The following ARV1 variants were observed in gnomAD, a reference collection of about 807,000 sequenced individuals.
The protein encoded by ARV1 is protein ARV1.
Under a neutral mutation model 31.1 loss-of-function variants are expected in ARV1, and 26 were observed. That is an observed-to-expected ratio of 0.84 (90% CI 0.61 to 1.16). The LOEUF (loss-of-function observed/expected upper bound fraction) is 1.16, where lower values mean the gene tolerates loss of function less well. Among genes scored for constraint, ARV1 ranks in the 50% most tolerant of loss-of-function variants. ARV1 has a pLI of 0.00. For missense variants in ARV1, 281 were observed against 324.9 expected (o/e 0.86, Z 1.04); for synonymous variants, 117 against 123.2 (o/e 0.95, Z 0.34).
intron 3 of ARV1, among the ~76,000 whole-genome samples, chr1:230,995,478 C>T (rs1281924623): frequency 1.3e-5 from 2 of 151,796 alleles, no homozygotes; most frequent in African/African-American, 4.8e-5. Flanking sequence ...CAAGGAACTT[C>T]AGAAAGTTGA....
In ARV1 at chr1:230,983,437, T is replaced by C. The variant is rs1020215641; in HGVS notation, c.174+4158T>C. On this transcript the variant is annotated intron_variant, in intron 1 of 5. Transcript: ENST00000310256. The stretch of plus-strand genomic sequence containing the variant: ...CAAAAAAAAAAAAAAAAAGTACTTT[T>C]TATTTGCTATAGGGCTTGGCTTATT... 2.0e-5 allele frequency among the ~76,000 whole-genome samples: 3 copies of C among 152,028 alleles called. No individual in the cohort carries two copies. The East Asian group carries it at 5.8e-4, about 29-fold the overall frequency.
intron 3 of ARV1, among the ~76,000 whole-genome samples, chr1:230,995,300 G>T (rs542744300): frequency 3.6e-4 from 55 of 152,290 alleles, no homozygotes; most frequent in African/African-American, 1.3e-3. Flanking sequence ...AAATCATGTG[G>T]ATAATAGGCA....
chr1:230,988,313 A>G lies in ARV1; in HGVS notation c.175-7A>G. On this transcript the variant is annotated splice_polypyrimidine_tract_variant and splice_region_variant and intron_variant, in intron 1 of 5. Transcript: ENST00000310256. The stretch of plus-strand genomic sequence containing the variant: ...GCTTGTTCTAATATTATCTTGTATT[A>G]TTTCAGAAATCCTGCCAGAAACCTG... The G allele has an allele frequency of 4.4e-6, 7 of 1,584,048 alleles. No homozygotes were observed. Among genetic ancestry groups the G allele is most frequent in the Non-Finnish European group, 6.0e-6 (7 of 1,158,944 alleles).
intron 1 of ARV1, among the ~76,000 whole-genome samples, chr1:230,980,394 T>C (rs2103039483): frequency 6.6e-6 from 1 of 152,176 alleles, no homozygotes; most frequent in South Asian, 2.1e-4. Flanking sequence ...TGGAGTGCAG[T>C]GGGGCACTCT....
chr1:230,983,308 A>T (rs1678964005), intron 1 of ARV1, among the ~76,000 whole-genome samples: 1 of 150,410 alleles, frequency 6.6e-6, no homozygotes, highest in South Asian at 2.1e-4. Flanking sequence ...GCTACTCGGG[A>T]GGCTGAGGCA....
rs772517086 is a variant in ARV1, at chr1:230,988,417, T to C, written c.272T>C (p.Ile91Thr). 3.2e-6 allele frequency: 5 copies of C among 1,575,440 alleles called. No individual in the cohort carries two copies. The highest frequency in any genetic ancestry group is 4.3e-6 in the Non-Finnish European group (5 of 1,157,150). The change falls in exon 2 of 6, where the codon ATT becomes ACT. Residue 91 changes from isoleucine (I) to threonine (T), a missense_variant. Coordinates refer to ENST00000310256, the MANE Select transcript of ARV1 (RefSeq NM_022786.3). ...TGCAAAGCTCAGGCCTACAGACATA[T>C]TCTTTTCAATACTCAAATAAATGTA... Reference protein sequence around the residue: ...ILCKAQAYRHILFNTQINIHG... With the variant: ...ILCKAQAYRHTLFNTQINIHG...
At chr1:230,980,117 C>G (rs1572331667) in intron 1 of ARV1, among the ~76,000 whole-genome samples, 1 of 152,286 alleles carries the variant, frequency 6.6e-6, no homozygotes, top group East Asian at 1.9e-4. Flanking sequence ...AATCTGCCAA[C>G]CACATAACGT....
Position 230,990,164 on chromosome 1 carries a change from T to C in ARV1, c.349T>C (p.Trp117Arg), listed in dbSNP as rs201097730. Residue 117 changes from tryptophan to arginine, a missense_variant, in exon 3 of 6, where the codon TGG (tryptophan) becomes CGG (arginine). Coordinates refer to ENST00000310256, the MANE Select transcript of ARV1 (RefSeq NM_022786.3). Reference protein sequence around the residue: ...CLLCEAYLRWWQLQDSNQNTA... With the variant: ...CLLCEAYLRWRQLQDSNQNTA... ...GCTTTGTGAAGCATACCTGAGGTGG[T>C]GGCAGCTTCAAGATTCCAACCAGAA... The C allele has an allele frequency of 9.5e-5, 154 of 1,613,236 alleles. No homozygotes were observed. The highest frequency in any genetic ancestry group is 1.7e-4 in the Middle Eastern group (1 of 6,058).
intron 3 of ARV1, among the ~76,000 whole-genome samples, chr1:230,991,497 T>G (rs1169110492): frequency 6.6e-6 from 1 of 152,170 alleles, no homozygotes; most frequent in Non-Finnish European, 1.5e-5. Flanking sequence ...AGCCTTCTCC[T>G]TCTCAGTTGT....
chr1:230,986,347 A>G (rs1289928824), intron 1 of ARV1, among the ~76,000 whole-genome samples: 1 of 152,182 alleles, frequency 6.6e-6, no homozygotes, highest in Admixed American at 6.5e-5. Context: ...TAAATTGGGA[A>G]CACATCCAAT....
chr1:230,994,291 G>A (rs1167986301), intron 3 of ARV1, among the ~76,000 whole-genome samples: 3 of 152,232 alleles, frequency 2.0e-5, no homozygotes, highest in Non-Finnish European at 2.9e-5. Context: ...ACTCCTGAGA[G>A]ATGCTGTAGC....
chr1:230,995,797 G>C lies in ARV1; in HGVS notation c.486G>C (p.Leu162=). The part of the protein sequence containing the change: ...TAYFIGIFTF[L]WVERPMTAKK... Reference sequence around the variant, plus strand: ...ATTTTATTGGCATTTTTACCTTCCTGTGGGTAGAACGGCCCATGACGGCAA... The same window carrying C: ...ATTTTATTGGCATTTTTACCTTCCTCTGGGTAGAACGGCCCATGACGGCAA... The change falls in exon 4 of 6, where the codon CTG becomes CTC. Residue 162 remains leucine, a synonymous_variant. Coordinates refer to ENST00000310256, the MANE Select transcript of ARV1 (RefSeq NM_022786.3). 1 of 1,613,688 alleles carries C rather than the reference G, an allele frequency of 6.2e-7. No individual in the cohort carries two copies. Among genetic ancestry groups the C allele is most frequent in the Non-Finnish European group, 8.5e-7 (1 of 1,179,920 alleles).
Position 230,990,196 on chromosome 1 carries a change from C to T in ARV1, c.381C>T (p.Ala127=). ...TTCAAGATTCCAACCAGAATACTGC[C>T]CCTGATGACTTGATCAGATATGCTA... ...WQLQDSNQNT[A]PDDLIRYAKE... is the part of the protein sequence containing the mutation. The change falls in exon 3 of 6, where the codon GCC becomes GCT. Residue 127 remains alanine (A), a synonymous_variant. Coordinates refer to ENST00000310256, the MANE Select transcript of ARV1 (RefSeq NM_022786.3). The T allele has an allele frequency of 6.2e-7, 1 of 1,613,104 alleles. No homozygotes were observed. The highest frequency in any genetic ancestry group is 8.5e-7 in the Non-Finnish European group (1 of 1,179,820).
chr1:230,985,921 A>ATT (rs5781616), intron 1 of ARV1, among the ~76,000 whole-genome samples: 34,115 of 148,248 alleles, frequency 0.23, 4,042 homozygotes, highest in East Asian at 0.42. Context: ...ATTAAGCAGA[A>ATT]TTTTTTTTTT....
chr1:230,980,815 C>T (rs924828949), intron 1 of ARV1, among the ~76,000 whole-genome samples: 4 of 150,522 alleles, frequency 2.7e-5, no homozygotes, highest in African/African-American at 7.3e-5. Flanking sequence ...GCTGCCACTT[C>T]CCCCTTTAGC....
chr1:230,983,412 CAAA>C (rs386369944), intron 1 of ARV1, among the ~76,000 whole-genome samples: 5 of 106,398 alleles, frequency 4.7e-5, no homozygotes, highest in South Asian at 3.0e-4. Flanking sequence ...GACTCCGTCT[CAAA>C]AAAAAAAAAA....
chr1:230,997,645 A>AT, intron 5 of ARV1, among the ~76,000 whole-genome samples: 1 of 151,760 alleles, frequency 6.6e-6, no homozygotes, highest in East Asian at 1.9e-4. Context: ...CTCACCTCTT[A>AT]GTCTCTTGAC....
At chr1:230,996,711 A>G (rs111941381) in intron 4 of ARV1, among the ~76,000 whole-genome samples, 1,934 of 152,196 alleles carry the variant, frequency 0.013, 37 homozygotes, top group African/African-American at 0.044. Context: ...GCTGGGAACA[A>G]GCATGAGCCG....
Position 230,995,957 on chromosome 1 carries a change from C to G in ARV1, c.646C>G (p.Leu216Val). ...CCTCAAACTCATTAAAGTATTTGTTCTTACATCAAATTTTCAGGCAATTAG... is the reference window on the plus strand; with the variant it reads ...CCTCAAACTCATTAAAGTATTTGTTGTTACATCAAATTTTCAGGCAATTAG... ...VCLKLIKVFV[L>V]TSNFQAIRVT... The change falls in exon 4 of 6, where the codon CTT (leucine) becomes GTT (valine). Residue 216 changes from leucine (L) to valine (V), a missense_variant. Transcript: ENST00000310256. 1 of 1,613,436 alleles carries G rather than the reference C, an allele frequency of 6.2e-7. No homozygotes were observed. The highest frequency in any genetic ancestry group is 8.5e-7 in the Non-Finnish European group (1 of 1,179,722).
Sources: allele counts gnomAD v4.1 joint callset (sites outside exome capture counted in the v4.1 genomes callset), GRCh38; gene constraint gnomAD v4.1.1; transcripts MANE v1.5; gene names NCBI Gene and HGNC (gene_info 2026-07-23, HGNC 2026-07-21).